INTS6L: variants seen among roughly 807,000 people sequenced by gnomAD.
The protein encoded by INTS6L is integrator complex subunit 6 like.
In INTS6L, 18 loss-of-function variants were observed where a neutral mutation model predicts 64.7. The ratio of observed to expected loss-of-function variants is 0.28; its 90% confidence interval spans 0.19 to 0.41. The LOEUF is 0.41. Among genes scored for constraint, INTS6L ranks in the 10% least tolerant of loss-of-function variants. INTS6L has a pLI of 1.00. For synonymous variants in INTS6L, 227 were observed against 235.9 expected, an observed-to-expected ratio of 0.96 and a Z score of 0.34; for missense variants, 533 against 661.0, an observed-to-expected ratio of 0.81 and a Z score of 2.12.
At position 135,521,246 on chromosome X, in the gene INTS6L, C is replaced by T. The variant is rs782778650; in HGVS notation, c.117C>T (p.Arg39=). 2.5e-6 allele frequency: 3 copies of T among 1,205,506 alleles called. No individual in the cohort carries two copies. The South Asian group carries it at 5.3e-5, about 21-fold the overall frequency. Residue 39 remains arginine, a synonymous_variant, in exon 2 of 18, where the codon CGC becomes CGT. Coordinates refer to ENST00000639893, the MANE Select transcript of INTS6L (RefSeq NM_001351601.3). ...CGTCATCCCTTGCCCCGCAGCTGCGCGCCCGGGACCCGGCCAGCCGTGGAG... is the reference window on the plus strand; with the variant it reads ...CGTCATCCCTTGCCCCGCAGCTGCGTGCCCGGGACCCGGCCAGCCGTGGAG... The part of the protein sequence containing the change: ...KGAVELFLKL[R]ARDPASRGDR...
Position 135,544,133 on chromosome X carries a change from A to G in INTS6L, c.190-1290A>G, listed in dbSNP as rs187363023. ...CTAGGGGGCGCCACTCTCACAGATT[A>G]TGATGTGAATGACTGCAAGGTGGTA... On this transcript the variant is annotated intron_variant, in intron 2 of 17. Coordinates refer to ENST00000639893, the MANE Select transcript of INTS6L (RefSeq NM_001351601.3). Among the ~76,000 whole-genome samples, 5 of 112,081 alleles carry G rather than the reference A, an allele frequency of 4.5e-5. No homozygotes were observed. The East Asian group carries it at 1.4e-3, about 32-fold the overall frequency.
At chrX:135,526,083 T>G (rs1556500958) in intron 2 of INTS6L, among the ~76,000 whole-genome samples, 1 of 111,831 alleles carries the variant, frequency 8.9e-6, no homozygotes. Flanking sequence ...TGTGGAGGTC[T>G]GTCTGTTCTG....
At position 135,573,920 on chromosome X, in the gene INTS6L, T is replaced by C; in HGVS notation, c.1618-19T>C. ...AAAGCCTTAGGAGTAACTGAAATTA[T>C]TTGTTTCATTTCAAATAGGATTTGA... On this transcript the variant is annotated intron_variant, in intron 12 of 17. Coordinates refer to ENST00000639893, the MANE Select transcript of INTS6L (RefSeq NM_001351601.3). 8.5e-7 allele frequency: 1 copy of C among 1,178,443 alleles called. No homozygotes were observed. Among genetic ancestry groups the C allele is most frequent in the Non-Finnish European group, 1.1e-6 (1 of 881,709 alleles).
Position 135,582,121 on chromosome X carries a change from T to C in INTS6L, c.*485T>C, listed in dbSNP as rs1049231187. On this transcript the variant is annotated 3_prime_UTR_variant, in exon 18 of 18. Coordinates refer to ENST00000639893, the MANE Select transcript of INTS6L (RefSeq NM_001351601.3). Reference sequence around the variant, plus strand: ...GTTGTGCCTTTTAAACCATGCAATATTCAGGATAGTTTGAATCAAAGAAGT... The same window carrying C: ...GTTGTGCCTTTTAAACCATGCAATACTCAGGATAGTTTGAATCAAAGAAGT... 1 of 114,893 alleles carries C rather than the reference T, an allele frequency of 8.7e-6. No individual in the cohort carries two copies. Among genetic ancestry groups the C allele is most frequent in the East Asian group, 2.8e-4 (1 of 3,613 alleles). The allele number at this position is 114,893 out of a possible 1,213,427, so 9.5% of individuals were successfully genotyped here.
intron 2 of INTS6L, among the ~76,000 whole-genome samples, chrX:135,534,786 G>A (rs1181144625): frequency 9.4e-6 from 1 of 106,612 alleles, no homozygotes; most frequent in African/African-American, 3.4e-5. Context: ...GGGTTCAAGC[G>A]ATTACCACTT....
In INTS6L at chrX:135,575,215, C is replaced by T. The variant is rs973152185; in HGVS notation, c.1873C>T (p.Gln625Ter). ...GCATACTTTTGGCAATCCGTTTAAA[C>T]AAGATAAGAAGGTAGGATACCTATG... ...RLHTFGNPFK[Q>*]DKKGMMIDEA... is the part of the protein sequence containing the mutation. Residue 625 changes from glutamine (Q) to a stop codon, truncating the protein, a stop_gained, in exon 14 of 18, where the codon CAA becomes TAA. Transcript: ENST00000639893. LOFTEE classifies it high-confidence loss of function. 1 of 1,207,906 alleles carries T rather than the reference C, an allele frequency of 8.3e-7. No homozygotes were observed. Among genetic ancestry groups the T allele is most frequent in the African/African-American group, 1.7e-5 (1 of 57,200 alleles).
Position 135,520,801 on chromosome X carries a change from G to A in INTS6L, c.-192G>A. 1 of 440,547 alleles carries A rather than the reference G, an allele frequency of 2.3e-6. No individual in the cohort carries two copies. Among genetic ancestry groups the A allele is most frequent in the Non-Finnish European group, 3.9e-6 (1 of 253,549 alleles). The allele number at this position is 440,547 out of a possible 1,213,427, so 36.3% of individuals were successfully genotyped here. On this transcript the variant is annotated 5_prime_UTR_variant, in exon 1 of 18. Coordinates refer to ENST00000639893, the MANE Select transcript of INTS6L (RefSeq NM_001351601.3). Reference sequence around the variant, plus strand: ...CTCACACTTTCAAGTTCCCTTGGAGGGAGAGGAGGTGGGGCTGCAGAAAGA... The same window carrying A: ...CTCACACTTTCAAGTTCCCTTGGAGAGAGAGGAGGTGGGGCTGCAGAAAGA...
chrX:135,551,088 T>C (rs2086491201), intron 7 of INTS6L, among the ~76,000 whole-genome samples: 1 of 112,479 alleles, frequency 8.9e-6, no homozygotes, highest in African/African-American at 3.2e-5. Flanking sequence ...CCCAAACATC[T>C]TATAATTGTA....
intron 9 of INTS6L, among the ~76,000 whole-genome samples, chrX:135,560,624 C>T (rs1458851170): frequency 8.9e-6 from 1 of 112,010 alleles, no homozygotes; most frequent in Non-Finnish European, 1.9e-5. Context: ...GGGTGGATCA[C>T]CTGAGGTCAG....
intron 3 of INTS6L, 66 bp from the exon 4 acceptor site, chrX:135,546,314 A>C: frequency 1.4e-6 from 1 of 696,655 alleles, no homozygotes; most frequent in Non-Finnish European, 2.0e-6. Context: ...TGGCAAGGCA[A>C]ATATAAAAAT....
At chrX:135,534,733 G>A (rs2086007054) in intron 2 of INTS6L, among the ~76,000 whole-genome samples, 1 of 105,721 alleles carries the variant, frequency 9.5e-6, no homozygotes, top group African/African-American at 3.5e-5. Flanking sequence ...CCCAGGCTAG[G>A]GTGTAGTGGC....
Position 135,579,848 on chromosome X carries a change from A to G in INTS6L, c.2180A>G (p.Asp727Gly), listed in dbSNP as rs1603020916. 6.6e-6 allele frequency: 8 copies of G among 1,208,644 alleles called. No homozygotes were observed. In the African/African-American group the frequency reaches 7.0e-5, roughly 11 times the overall value. Reference sequence around the variant, plus strand: ...ATGGAAAATGGTCAGATCACACCTGATGGCTTCCTGTCAAAATCTGCTCCA... The same window carrying G: ...ATGGAAAATGGTCAGATCACACCTGGTGGCTTCCTGTCAAAATCTGCTCCA... Reference protein sequence around the residue: ...EKMENGQITPDGFLSKSAPSE... With the variant: ...EKMENGQITPGGFLSKSAPSE... Residue 727 changes from aspartate to glycine, a missense_variant, in exon 16 of 18, where the codon GAT becomes GGT. By Grantham distance (94) the Asp-to-Gly change is moderately conservative (BLOSUM62 -1). Transcript: ENST00000639893.
rs868995105 is a variant in INTS6L at position 135,563,641 on chromosome X, A to G, written c.1193-5696A>G. Among the ~76,000 whole-genome samples, 64 of 6,727 alleles carry G rather than the reference A, an allele frequency of 9.5e-3. 2 individuals carry two copies. The highest frequency in any genetic ancestry group is 0.013 in the African/African-American group (47 of 3,566). 5.8% of individuals were successfully genotyped at this position (6,727 alleles called of 115,157 possible). A position where few individuals can be genotyped will look rare whatever the true frequency, so the allele number is the denominator to read the frequency against. On this transcript the variant is annotated intron_variant, in intron 9 of 17. Coordinates refer to ENST00000639893, the MANE Select transcript of INTS6L (RefSeq NM_001351601.3). ...CATATGTGTGTGTGTGTGTATATAT[A>G]TATATATATATATATAGCTATATAT...
chrX:135,542,601 T>G (rs2086254996), intron 2 of INTS6L, among the ~76,000 whole-genome samples: 1 of 111,357 alleles, frequency 9.0e-6, no homozygotes, highest in African/African-American at 3.3e-5. Flanking sequence ...GTAAAATGCT[T>G]TCATTTCATA....
chrX:135,522,166 G>A (rs1174169358), intron 2 of INTS6L, among the ~76,000 whole-genome samples: 5 of 112,097 alleles, frequency 4.5e-5, no homozygotes, highest in African/African-American at 1.6e-4. Context: ...GGAAATTCCA[G>A]CGAAGCAACG....
intron 8 of INTS6L, among the ~76,000 whole-genome samples, chrX:135,554,007 T>C (rs1242917593): frequency 1.8e-5 from 2 of 111,609 alleles, no homozygotes; most frequent in African/African-American, 6.5e-5. Context: ...TGAATTAGTG[T>C]TAGTGAAAAA....
At chrX:135,531,238 T>C (rs1292129417) in intron 2 of INTS6L, among the ~76,000 whole-genome samples, 1 of 112,438 alleles carries the variant, frequency 8.9e-6, no homozygotes, top group Non-Finnish European at 1.9e-5. Context: ...CTTCCTATAT[T>C]CTGTTTCTCC....
intron 2 of INTS6L, among the ~76,000 whole-genome samples, chrX:135,524,466 T>C (rs1255255027): frequency 9.0e-6 from 1 of 111,060 alleles, no homozygotes; most frequent in African/African-American, 3.3e-5. Context: ...TTTTTTTATT[T>C]CTCTAAGGTT....
intron 4 of INTS6L, 29 bp downstream of exon 4, chrX:135,546,498 T>C: frequency 3.7e-6 from 4 of 1,088,356 alleles, no homozygotes; most frequent in Non-Finnish European, 4.9e-6. Context: ...TTTAATTTTG[T>C]TTAAATGGCA....
Sources: allele counts gnomAD v4.1 joint callset (sites outside exome capture counted in the v4.1 genomes callset), GRCh38; gene constraint gnomAD v4.1.1; transcripts MANE v1.5; gene names NCBI Gene and HGNC (gene_info 2026-07-23, HGNC 2026-07-21).